MGAM2: variants seen among roughly 807,000 people sequenced by gnomAD.
MGAM2 encodes probable maltase-glucoamylase 2.
In MGAM2, 98 loss-of-function variants were observed where a neutral mutation model predicts 96.1. The observed-to-expected ratio is 1.02, with a 90% CI of 0.87 to 1.21. The LOEUF is 1.21. MGAM2 is among the 50% of genes most tolerant of loss of function. MGAM2 has a pLI of 0.00. For missense variants in MGAM2, 2,055 were observed against 1,182.4 expected (o/e 1.74, Z -10.82); for synonymous variants, 749 against 414.8 (o/e 1.81, Z -9.79).
At position 142,196,580 on chromosome 7, in the gene MGAM2, G is replaced by C; in HGVS notation, c.4496G>C (p.Ser1499Thr). 1 of 722,414 alleles carries C rather than the reference G, an allele frequency of 1.4e-6. No homozygotes were observed. The highest frequency in any genetic ancestry group is 1.5e-5 in the South Asian group (1 of 68,718). 44.8% of individuals were successfully genotyped at this position (722,414 alleles called of 1,614,324 possible). ...GKSIIGMMEF[S>T]LFGIPYTGAD... is the part of the protein sequence containing the mutation. The stretch of plus-strand genomic sequence containing the variant: ...CTCTTTGCAGGCATGATGGAGTTCA[G>C]TCTCTTTGGAATACCTTATGTAAGT... The change falls in exon 39 of 48, where the codon AGT (serine) becomes ACT (threonine). Residue 1499 changes from serine to threonine, a missense_variant. Coordinates refer to ENST00000477922, the MANE Select transcript of MGAM2 (RefSeq NM_001293626.2).
At position 142,187,725 on chromosome 7, in the gene MGAM2, A is replaced by G. The variant is rs772967138; in HGVS notation, c.4123-25A>G. ...GCCATCCTGCCCCTGACATGACGAG[A>G]TCTTTTTTTGTTAACTCATTTCAGG... On this transcript the variant is annotated intron_variant, in intron 35 of 47. Coordinates refer to ENST00000477922, the MANE Select transcript of MGAM2 (RefSeq NM_001293626.2). 36 of 701,610 alleles carry G rather than the reference A, an allele frequency of 5.1e-5. No homozygotes were observed. In the Middle Eastern group the frequency reaches 6.8e-4, roughly 13 times the overall value. 43.5% of individuals were successfully genotyped at this position (701,610 alleles called of 1,614,324 possible).
At chr7:142,208,265 T>G (rs1797469783) in intron 45 of MGAM2, 3 of 516,040 alleles carry the variant, frequency 5.8e-6, no homozygotes, top group Non-Finnish European at 1.1e-5. Flanking sequence ...ACATGCTTGC[T>G]GTCTCGCACA....
At chr7:142,194,897 C>T (rs1796984040) in intron 37 of MGAM2, among the ~76,000 whole-genome samples, 1 of 152,138 alleles carries the variant, frequency 6.6e-6, no homozygotes. Context: ...GGATTGTATA[C>T]ATACTAGGAT....
chr7:142,180,157 A>G (rs1796495948), intron 32 of MGAM2, among the ~76,000 whole-genome samples: 1 of 152,146 alleles, frequency 6.6e-6, no homozygotes, highest in Admixed American at 6.5e-5. Flanking sequence ...AATGTTCATA[A>G]AAATCTCTAA....
chr7:142,198,135 T>G lies in MGAM2; in HGVS notation c.4867-4T>G, dbSNP rs1439142437. 5 of 702,534 alleles carry G rather than the reference T, an allele frequency of 7.1e-6. No homozygotes were observed. Among genetic ancestry groups the G allele is most frequent in the Non-Finnish European group, 1.3e-5 (5 of 384,736 alleles). The allele number at this position is 702,534 out of a possible 1,614,324, so 43.5% of individuals were successfully genotyped here. On this transcript the variant is annotated splice_region_variant and splice_polypyrimidine_tract_variant and intron_variant, in intron 42 of 47. Coordinates refer to ENST00000477922, the MANE Select transcript of MGAM2 (RefSeq NM_001293626.2). ...CATAATGACATGTCAATTTTATGTT[T>G]CAGAGCACATTTGAGATCTCTGCTT...
rs537924975 is a variant in MGAM2 at position 142,138,707 on chromosome 7, T to A, written c.1086+40T>A. The A allele has an allele frequency of 1.0e-5, 7 of 671,008 alleles. No homozygotes were observed. The African/African-American group carries it at 1.1e-4, about 10-fold the overall frequency. 41.6% of individuals were successfully genotyped at this position (671,008 alleles called of 1,614,324 possible). ...CTTTTACCATGCAGTTGACACCAAT[T>A]CCCATTTTTATTTTTTGCATTAAAT... On this transcript the variant is annotated intron_variant, in intron 10 of 47. Transcript: ENST00000477922.
chr7:142,204,716 T>C (rs1797343871), intron 45 of MGAM2, among the ~76,000 whole-genome samples: 1 of 152,116 alleles, frequency 6.6e-6, no homozygotes, highest in South Asian at 2.1e-4. Flanking sequence ...AAAACTCTAT[T>C]CTAAACATTT....
At chr7:142,153,083 C>T (rs1795631300) in intron 15 of MGAM2, among the ~76,000 whole-genome samples, 1 of 151,250 alleles carries the variant, frequency 6.6e-6, no homozygotes, top group African/African-American at 2.4e-5. Flanking sequence ...GCAACCTCTG[C>T]CTCTTGGGTT....
chr7:142,171,003 A>G (rs952034634), intron 27 of MGAM2, among the ~76,000 whole-genome samples: 1 of 152,234 alleles, frequency 6.6e-6, no homozygotes, highest in African/African-American at 2.4e-5. Context: ...AGAACTTGAA[A>G]TAAATAGAAG....
intron 3 of MGAM2, among the ~76,000 whole-genome samples, chr7:142,123,963 CTTTTTTTTTTT>C (rs960655956): frequency 5.1e-5 from 5 of 98,116 alleles, no homozygotes; most frequent in Admixed American, 1.0e-4. Context: ...AGTCCAGAAA[CTTTTTTTTTTT>C]TTTTTTTTTT....
chr7:142,153,011 T>A (rs1795627264), intron 15 of MGAM2, among the ~76,000 whole-genome samples: 1 of 62,588 alleles, frequency 1.6e-5, no homozygotes, highest in Non-Finnish European at 3.6e-5. Flanking sequence ...TTTTTTTTTG[T>A]CTGAGACAGA....
intron 24 of MGAM2, 57 bp from the exon 25 acceptor site, chr7:142,166,041 T>C: frequency 1.6e-6 from 1 of 607,860 alleles, no homozygotes; most frequent in Admixed American, 2.6e-5. Flanking sequence ...AGCCAAGAAC[T>C]CTTTCTGGGT....
At chr7:142,216,014 T>C (rs867181850) in intron 46 of MGAM2, among the ~76,000 whole-genome samples, 6 of 152,176 alleles carry the variant, frequency 3.9e-5, no homozygotes, top group Middle Eastern at 3.2e-3. Flanking sequence ...TTTCTGCTGT[T>C]ATTACATTGT....
At position 142,180,947 on chromosome 7, in the gene MGAM2, T is replaced by C. The variant is rs574835604; in HGVS notation, c.3817-2319T>C. ...GTGTTATCTTTCACCTCTTGGATCATTTTACTGGCTTCTTTGAATTGAGTT... is the reference window on the plus strand; with the variant it reads ...GTGTTATCTTTCACCTCTTGGATCACTTTACTGGCTTCTTTGAATTGAGTT... On this transcript the variant is annotated intron_variant, in intron 32 of 47. Transcript: ENST00000477922. Among the ~76,000 whole-genome samples, 4 of 152,340 alleles carry C rather than the reference T, an allele frequency of 2.6e-5. No homozygotes were observed. The South Asian group carries it at 8.3e-4, about 32-fold the overall frequency.
intron 8 of MGAM2, 55 bp from the exon 9 acceptor site, chr7:142,137,378 G>T: frequency 1.5e-6 from 1 of 645,878 alleles, no homozygotes; most frequent in South Asian, 1.7e-5. Flanking sequence ...CTACTGCAGA[G>T]AAGAGTTTAC....
chr7:142,124,068 G>C (rs753315366), intron 3 of MGAM2, among the ~76,000 whole-genome samples: 9 of 148,678 alleles, frequency 6.1e-5, no homozygotes, highest in Non-Finnish European at 1.2e-4. Context: ...CACCTCCCAG[G>C]TTCAGGTGAT....
intron 31 of MGAM2, among the ~76,000 whole-genome samples, chr7:142,174,755 G>T (rs1244400331): frequency 1.1e-5 from 1 of 94,634 alleles, no homozygotes; most frequent in Non-Finnish European, 1.9e-5. Context: ...TCCCTCTGCT[G>T]CCCAGGCTGG....
At position 142,137,557 on chromosome 7, in the gene MGAM2, C is replaced by T. The variant is rs934974203; in HGVS notation, c.960+12C>T. ...AGGAATACTTGGAGGTATGTCTTTGCATTTAGATAGTCATTATTTACTGCT... is the reference window on the plus strand; with the variant it reads ...AGGAATACTTGGAGGTATGTCTTTGTATTTAGATAGTCATTATTTACTGCT... On this transcript the variant is annotated intron_variant, in intron 9 of 47. Coordinates refer to ENST00000477922, the MANE Select transcript of MGAM2 (RefSeq NM_001293626.2). 6 of 687,712 alleles carry T rather than the reference C, an allele frequency of 8.7e-6. No individual in the cohort carries two copies. The African/African-American group carries it at 8.9e-5, about 10-fold the overall frequency. The allele number at this position is 687,712 out of a possible 1,614,324, so 42.6% of individuals were successfully genotyped here.
In MGAM2 at chr7:142,172,207, C is replaced by T. The variant is rs1454144584; in HGVS notation, c.3448+13C>T. ...AGCAATGCCATGGGTAAGGCATAGG[C>T]ACAGCTCCCATGCACCACCAGAAAC... On this transcript the variant is annotated intron_variant, in intron 29 of 47. Coordinates refer to ENST00000477922, the MANE Select transcript of MGAM2 (RefSeq NM_001293626.2). 4.2e-6 allele frequency: 3 copies of T among 706,358 alleles called. No homozygotes were observed. The highest frequency in any genetic ancestry group is 5.3e-5 in the East Asian group (2 of 37,428). 43.8% of individuals were successfully genotyped at this position (706,358 alleles called of 1,614,324 possible). A position where few individuals can be genotyped will look rare whatever the true frequency, so the allele number is the denominator to read the frequency against.
Sources: gnomAD v4.1 joint callset for allele counts (sites outside exome capture counted in the v4.1 genomes callset) on GRCh38, gnomAD v4.1.1 for gene constraint, MANE v1.5 for transcripts, NCBI Gene and HGNC (gene_info 2026-07-23, HGNC 2026-07-21) for gene names.